NUDCD3: variants seen among roughly 807,000 people sequenced by gnomAD.
NUDCD3 encodes the protein NudC domain containing 3.
A neutral mutation model predicts 39.7 loss-of-function variants in NUDCD3; 13 were observed. That is an observed-to-expected ratio of 0.33 (90% CI 0.21 to 0.52). The LOEUF (loss-of-function observed/expected upper bound fraction) is 0.52. Ranked by LOEUF, NUDCD3 falls within the 20% of genes least tolerant of loss-of-function variation. The pLI is 0.96. For synonymous variants in NUDCD3, 175 were observed against 172.4 expected (o/e 1.02, Z -0.12); for missense variants, 453 against 458.1 (o/e 0.99, Z 0.10).
At chr7:44,432,990 G>A (rs1799392794) in intron 2 of NUDCD3, among the ~76,000 whole-genome samples, 1 of 152,202 alleles carries the variant, frequency 6.6e-6, no homozygotes, top group Non-Finnish European at 1.5e-5. Context: ...AAGGCCTTTA[G>A]AAGGTGATTA....
At chr7:44,396,157 GCACCACTGGTCCTTTGTCCTGAC>G in intron 4 of NUDCD3, among the ~76,000 whole-genome samples, 1 of 151,088 alleles carries the variant, frequency 6.6e-6, no homozygotes, top group East Asian at 1.9e-4. Context: ...GGTGTGGCTA[GCACCACTGGTCCTTTGTCCTGAC>G]CATATACACA....
intron 2 of NUDCD3, among the ~76,000 whole-genome samples, chr7:44,451,283 G>A (rs1299106786): frequency 2.0e-5 from 3 of 152,210 alleles, no homozygotes; most frequent in East Asian, 3.8e-4. Context: ...CAGAGAGTCA[G>A]ATTCATAGAG....
At chr7:44,467,738 T>C (rs1183473993) in intron 2 of NUDCD3, among the ~76,000 whole-genome samples, 1 of 151,944 alleles carries the variant, frequency 6.6e-6, no homozygotes, top group Non-Finnish European at 1.5e-5. Flanking sequence ...GCTTTAATTA[T>C]ACTATCTCAT....
chr7:44,436,714 T>C (rs6942861), intron 2 of NUDCD3, among the ~76,000 whole-genome samples: 121 of 152,362 alleles, frequency 7.9e-4, no homozygotes, highest in African/African-American at 2.7e-3. Context: ...GTCATATATG[T>C]CTCATCACCT....
At chr7:44,393,396 T>C (rs945612452) in intron 4 of NUDCD3, among the ~76,000 whole-genome samples, 18 of 152,116 alleles carry the variant, frequency 1.2e-4, no homozygotes, top group Non-Finnish European at 2.2e-4. Context: ...TGTATGTACC[T>C]AGGTGACCCT....
intron 2 of NUDCD3, among the ~76,000 whole-genome samples, chr7:44,443,068 A>G (rs1335607338): frequency 6.6e-6 from 1 of 152,126 alleles, no homozygotes; most frequent in Non-Finnish European, 1.5e-5. Context: ...ATTCACACAG[A>G]AAGCAGGCAT....
chr7:44,490,336 G>T, intron 1 of NUDCD3, 73 bp downstream of exon 1: 7 of 1,362,466 alleles, frequency 5.1e-6, no homozygotes, highest in Non-Finnish European at 6.8e-6. Context: ...GGGAGAGCTT[G>T]GAGGAGCGGG....
chr7:44,433,875 T>A (rs1799417052), intron 2 of NUDCD3, among the ~76,000 whole-genome samples: 1 of 152,166 alleles, frequency 6.6e-6, no homozygotes, highest in African/African-American at 2.4e-5. Context: ...AGCCCATGAT[T>A]GAGTCGTCAT....
At chr7:44,395,997 T>C (rs1030679711) in intron 4 of NUDCD3, among the ~76,000 whole-genome samples, 2 of 152,172 alleles carry the variant, frequency 1.3e-5, no homozygotes, top group Non-Finnish European at 1.5e-5. Flanking sequence ...CATACTATTT[T>C]CGAAAGCAGC....
At chr7:44,386,513 G>C (rs1798405576) in intron 5 of NUDCD3, among the ~76,000 whole-genome samples, 1 of 152,208 alleles carries the variant, frequency 6.6e-6, no homozygotes, top group South Asian at 2.1e-4. Context: ...CAGCCCACCA[G>C]GGTTGTAGAG....
chr7:44,431,215 G>A (rs2116907774), intron 2 of NUDCD3, among the ~76,000 whole-genome samples: 1 of 152,288 alleles, frequency 6.6e-6, no homozygotes, highest in South Asian at 2.1e-4. Flanking sequence ...ATGGTAGGAG[G>A]CAGGGGAGGG....
intron 4 of NUDCD3, among the ~76,000 whole-genome samples, chr7:44,399,498 G>A (rs17172885): frequency 0.055 from 8,329 of 152,318 alleles, 370 homozygotes; most frequent in African/African-American, 0.12. Context: ...CAATGAGCCA[G>A]GAAAGTTGTG....
chr7:44,412,951 A>AAT (rs1554489212), intron 3 of NUDCD3, among the ~76,000 whole-genome samples: 2 of 144,392 alleles, frequency 1.4e-5, no homozygotes. Flanking sequence ...AAGAAAAAAA[A>AAT]AAAGAAAGAA....
intron 2 of NUDCD3, among the ~76,000 whole-genome samples, chr7:44,450,650 A>T (rs1178471406): frequency 1.3e-5 from 2 of 152,088 alleles, no homozygotes; most frequent in African/African-American, 4.8e-5. Context: ...AATTAAAAAA[A>T]AAAATAAAAC....
At chr7:44,386,853 C>A (rs545026794) in intron 5 of NUDCD3, among the ~76,000 whole-genome samples, 34 of 152,242 alleles carry the variant, frequency 2.2e-4, no homozygotes, top group Admixed American at 1.1e-3. Context: ...GAGATTGGAC[C>A]CTGAGGGAAG....
chr7:44,435,039 T>A (rs1799439068), intron 2 of NUDCD3, among the ~76,000 whole-genome samples: 1 of 152,224 alleles, frequency 6.6e-6, no homozygotes, highest in African/African-American at 2.4e-5. Flanking sequence ...TCTTGAACCC[T>A]CTGAGACATT....
chr7:44,438,841 G>A (rs1305340070), intron 2 of NUDCD3, among the ~76,000 whole-genome samples: 2 of 152,156 alleles, frequency 1.3e-5, no homozygotes, highest in African/African-American at 2.4e-5. Flanking sequence ...CCACTATGCA[G>A]GTACGTGCAT....
At position 44,380,645 on chromosome 7, in the gene NUDCD3, A is replaced by G. The variant is rs1216712947; in HGVS notation, c.*5366T>C. 1 of 152,244 alleles carries G rather than the reference A, an allele frequency of 6.6e-6. No homozygotes were observed. The highest frequency in any genetic ancestry group is 1.5e-5 in the Non-Finnish European group (1 of 68,078). The allele number at this position is 152,244 out of a possible 1,614,324, so 9.4% of individuals were successfully genotyped here. A position where few individuals can be genotyped will look rare whatever the true frequency, so the allele number is the denominator to read the frequency against. On this transcript the variant is annotated 3_prime_UTR_variant, in exon 6 of 6. Coordinates refer to ENST00000355451, the MANE Select transcript of NUDCD3 (RefSeq NM_015332.4). The stretch of plus-strand genomic sequence containing the variant: ...CACACACTGGGTCATTAGTACCCAC[A>G]AGCAATCACTGTTGAGTTCATGAAC...
chr7:44,450,175 T>C (rs55818708), intron 2 of NUDCD3, among the ~76,000 whole-genome samples: 7,059 of 151,314 alleles, frequency 0.047, 235 homozygotes, highest in Admixed American at 0.072. Context: ...TATAAGAATG[T>C]CTAATTTTTT....
Sources: gnomAD v4.1 joint callset for allele counts (sites outside exome capture counted in the v4.1 genomes callset) on GRCh38, gnomAD v4.1.1 for gene constraint, MANE v1.5 for transcripts, NCBI Gene and HGNC (gene_info 2026-07-23, HGNC 2026-07-21) for gene names.